The following KAZN variants were observed in gnomAD, a reference collection of about 807,000 sequenced individuals.
KAZN encodes kazrin.
Under a neutral mutation model 87.4 loss-of-function variants are expected in KAZN, and 40 were observed. The ratio of observed to expected loss-of-function variants is 0.46; its 90% CI spans 0.36 to 0.60. The LOEUF (loss-of-function observed/expected upper bound fraction) is 0.60, where lower values mean the gene tolerates loss of function less well. Among genes scored for constraint, KAZN ranks in the 20% least tolerant of loss-of-function variants. The probability of loss-of-function intolerance (pLI) is 0.00; values close to 1 mark genes in which losing one functional copy is unlikely to be tolerated. For synonymous variants in KAZN, 466 were observed against 458.3 expected, an observed-to-expected ratio of 1.02 and a Z score of -0.22; for missense variants, 898 against 1,073.9, an observed-to-expected ratio of 0.84 and a Z score of 2.29.
chr1:14,665,238 G>C (rs1639451202), intron 1 of KAZN, among the ~76,000 whole-genome samples: 1 of 151,976 alleles, frequency 6.6e-6, no homozygotes, highest in Non-Finnish European at 1.5e-5. Context: ...TGGGCACTGA[G>C]CAGACCTCTC....
chr1:14,002,932 T>C (rs892575336), intron 1 of KAZN, among the ~76,000 whole-genome samples: 1 of 152,060 alleles, frequency 6.6e-6, no homozygotes, highest in Admixed American at 6.5e-5. Flanking sequence ...ACTATTACAA[T>C]AGCAAATTCG....
chr1:14,392,719 A>G (rs144954937), intron 2 of KAZN, among the ~76,000 whole-genome samples: 54 of 152,038 alleles, frequency 3.6e-4, no homozygotes, highest in East Asian at 2.9e-3. Flanking sequence ...GTCTGCGAAC[A>G]TTGCCAAATG....
At chr1:14,603,434 T>C (rs982953363) in intron 1 of KAZN, among the ~76,000 whole-genome samples, 2 of 151,936 alleles carry the variant, frequency 1.3e-5, no homozygotes, top group African/African-American at 2.4e-5. Context: ...TCCCTGAAAA[T>C]TGTCATGTGT....
At chr1:14,491,904 T>G (rs2148409381) in intron 2 of KAZN, among the ~76,000 whole-genome samples, 1 of 152,290 alleles carries the variant, frequency 6.6e-6, no homozygotes, top group East Asian at 1.9e-4. Context: ...CTTGTATTAT[T>G]TAACTTTTTT....
chr1:15,065,759 G>C lies in KAZN; in HGVS notation c.1222+6G>C. On this transcript the variant is annotated splice_donor_region_variant and intron_variant, in intron 8 of 14. Coordinates refer to ENST00000376030, the MANE Select transcript of KAZN (RefSeq NM_201628.3). ...CGACCCCGGCCTCTTTGATGGTACC[G>C]CCCCTGATTATTACATAGAGGAGGA... is the stretch of plus-strand genomic sequence containing the variant. The C allele has an allele frequency of 6.2e-7, 1 of 1,614,112 alleles. No homozygotes were observed. The highest frequency in any genetic ancestry group is 1.7e-4 in the Middle Eastern group (1 of 6,058).
chr1:14,207,110 C>T (rs1183813500), intron 2 of KAZN, among the ~76,000 whole-genome samples: 1 of 151,826 alleles, frequency 6.6e-6, no homozygotes, highest in African/African-American at 2.4e-5. Context: ...ATTACAGGCA[C>T]GTGGCATCAT....
chr1:14,570,999 T>A (rs1274558807), intron 2 of KAZN, among the ~76,000 whole-genome samples: 2 of 152,166 alleles, frequency 1.3e-5, no homozygotes, highest in Non-Finnish European at 2.9e-5. Context: ...GAAACTTAAA[T>A]TTTTGACTTC....
chr1:14,068,429 T>G (rs187901681), intron 1 of KAZN, among the ~76,000 whole-genome samples: 186 of 152,308 alleles, frequency 1.2e-3, no homozygotes, highest in African/African-American at 4.3e-3. Flanking sequence ...CCTGGGGCAC[T>G]TTTAAAAATA....
chr1:14,296,050 AT>A (rs1654088942), intron 2 of KAZN, among the ~76,000 whole-genome samples: 1 of 152,154 alleles, frequency 6.6e-6, no homozygotes, highest in Non-Finnish European at 1.5e-5. Flanking sequence ...TACCTACCTC[AT>A]AGGGTTGCCA....
intron 2 of KAZN, among the ~76,000 whole-genome samples, chr1:14,264,044 A>G (rs1429481901): frequency 6.6e-6 from 1 of 152,234 alleles, no homozygotes; most frequent in African/African-American, 2.4e-5. Context: ...CCACAAATTT[A>G]GTGGCTTAAA....
In KAZN at chr1:14,856,706, G is replaced by A. The variant is rs914872659; in HGVS notation, c.227-103978G>A. 2.6e-5 allele frequency among the ~76,000 whole-genome samples: 4 copies of A among 152,120 alleles called. No individual in the cohort carries two copies. The highest frequency in any genetic ancestry group is 6.5e-5 in the Admixed American group (1 of 15,272). On this transcript the variant is annotated intron_variant, in intron 1 of 14. Coordinates refer to ENST00000376030, the MANE Select transcript of KAZN (RefSeq NM_201628.3). The surrounding 1 kb of genome is among the most constrained non-coding windows in gnomAD (Gnocchi z 5.2). Reference sequence around the variant, plus strand: ...AAGGAGGAACTTCTACTTTTCATGTGTTTCCTAAATCTTGGATTATTCTCA... The same window carrying A: ...AAGGAGGAACTTCTACTTTTCATGTATTTCCTAAATCTTGGATTATTCTCA...
intron 2 of KAZN, among the ~76,000 whole-genome samples, chr1:14,438,912 C>T (rs1666547694): frequency 6.6e-6 from 1 of 152,196 alleles, no homozygotes; most frequent in South Asian, 2.1e-4. Flanking sequence ...GTGAAGTCTT[C>T]CACCTCTTCT....
intron 1 of KAZN, among the ~76,000 whole-genome samples, chr1:14,673,813 G>A (rs1300026433): frequency 6.6e-6 from 1 of 152,146 alleles, no homozygotes; most frequent in African/African-American, 2.4e-5. Context: ...CCCAGGCTAA[G>A]GAGTCTTAAC....
At chr1:15,110,258 C>G (rs1641496901) in intron 13 of KAZN, among the ~76,000 whole-genome samples, 1 of 17,132 alleles carries the variant, frequency 5.8e-5, no homozygotes, top group Non-Finnish European at 9.6e-5. Context: ...TGTATGTGCA[C>G]TTGTGTGTGT....
intron 2 of KAZN, among the ~76,000 whole-genome samples, chr1:14,511,649 A>T (rs1028075999): frequency 6.6e-6 from 1 of 152,238 alleles, no homozygotes; most frequent in African/African-American, 2.4e-5. Flanking sequence ...TATTCTGAAC[A>T]ATGTAGATTT....
At chr1:14,041,001 C>A (rs1641816673) in intron 1 of KAZN, among the ~76,000 whole-genome samples, 1 of 152,076 alleles carries the variant, frequency 6.6e-6, no homozygotes, top group South Asian at 2.1e-4. Context: ...GTTTCAACAT[C>A]AAATAATGGT....
intron 2 of KAZN, among the ~76,000 whole-genome samples, chr1:14,493,529 A>G (rs1239819579): frequency 1.3e-5 from 2 of 152,036 alleles, no homozygotes; most frequent in East Asian, 1.9e-4. Context: ...CCCTCCCACA[A>G]TGTATGTTGT....
intron 2 of KAZN, among the ~76,000 whole-genome samples, chr1:14,504,664 C>T (rs938037890): frequency 1.3e-5 from 2 of 152,130 alleles, no homozygotes; most frequent in Non-Finnish European, 2.9e-5. Flanking sequence ...GCATCAGCAA[C>T]GCCCATCTTC....
intron 1 of KAZN, among the ~76,000 whole-genome samples, chr1:14,145,210 A>G (rs1381338587): frequency 6.6e-6 from 1 of 152,152 alleles, no homozygotes; most frequent in Non-Finnish European, 1.5e-5. Context: ...TGGGAGGCCA[A>G]GGTGGGAGAG....
Sources: gnomAD v4.1 joint callset for allele counts (sites outside exome capture counted in the v4.1 genomes callset) on GRCh38, gnomAD v4.1.1 for gene constraint, Gnocchi (gnomAD v3.1) non-coding constraint, MANE v1.5 for transcripts, NCBI Gene and HGNC (gene_info 2026-07-23, HGNC 2026-07-21) for gene names.